PTPRE: variants seen among roughly 807,000 people sequenced by gnomAD.
PTPRE encodes protein tyrosine phosphatase receptor type E.
In PTPRE, 51 loss-of-function variants were observed where a neutral mutation model predicts 102.0. The observed-to-expected ratio is 0.50, with a 90% CI of 0.40 to 0.63. The LOEUF is 0.63. PTPRE is among the 30% of genes least tolerant of loss of function. PTPRE has a pLI of 0.00. For synonymous variants in PTPRE, 345 were observed against 348.2 expected, an observed-to-expected ratio of 0.99 and a Z score of 0.10; for missense variants, 752 against 915.1, an observed-to-expected ratio of 0.82 and a Z score of 2.30.
intron 1 of PTPRE, among the ~76,000 whole-genome samples, chr10:127,943,494 G>A (rs949406056): frequency 3.3e-5 from 5 of 152,124 alleles, no homozygotes; most frequent in African/African-American, 9.7e-5. Flanking sequence ...GGAGGGAGAC[G>A]GCTACCTGAG....
In PTPRE at chr10:128,073,417, G is replaced by A; in HGVS notation, c.1545G>A (p.Trp515Ter). ...HTVEDFWRMI[W>*]EWKSHTIVML... ...TTGAGGACTTCTGGAGGATGATCTG[G>A]GAATGGAAATCCCACACTATCGTGA... The change falls in exon 17 of 21, where the codon TGG becomes TGA. Residue 515 changes from tryptophan (W) to a stop codon, truncating the protein, a stop_gained. Coordinates refer to ENST00000254667, the MANE Select transcript of PTPRE (RefSeq NM_006504.6). LOFTEE classifies it high-confidence loss of function. The A allele has an allele frequency of 6.2e-7, 1 of 1,614,218 alleles. No homozygotes were observed. The highest frequency in any genetic ancestry group is 1.7e-5 in the Admixed American group (1 of 60,036).
chr10:127,969,688 G>GC (rs71474753), intron 1 of PTPRE, among the ~76,000 whole-genome samples: 1 of 75,034 alleles, frequency 1.3e-5, no homozygotes, highest in African/African-American at 3.7e-5. Context: ...AAAAAGGGGG[G>GC]CGGGGGGATG....
intron 2 of PTPRE, among the ~76,000 whole-genome samples, chr10:128,003,387 A>T (rs1854172238): frequency 6.6e-6 from 1 of 152,200 alleles, no homozygotes; most frequent in Admixed American, 6.5e-5. Context: ...GATGTTAAAA[A>T]ATGTTTTCCA....
intron 2 of PTPRE, among the ~76,000 whole-genome samples, chr10:127,983,060 T>G (rs1262303753): frequency 6.6e-6 from 1 of 152,200 alleles, no homozygotes; most frequent in African/African-American, 2.4e-5. Context: ...ATTTCCTAAA[T>G]GTATTGCCTT....
intron 3 of PTPRE, 54 bp from the exon 4 acceptor site, chr10:128,047,336 T>C: frequency 6.3e-7 from 1 of 1,585,808 alleles, no homozygotes; most frequent in South Asian, 1.1e-5. Context: ...GGGAGACTCT[T>C]TTGCAAACTG....
At chr10:127,922,652 C>G (rs1846689460) in intron 1 of PTPRE, among the ~76,000 whole-genome samples, 1 of 152,208 alleles carries the variant, frequency 6.6e-6, no homozygotes, top group South Asian at 2.1e-4. Context: ...TTTTGCTAGG[C>G]CTTCTTCTAA....
At chr10:128,072,380 C>T (rs1243735020) in intron 16 of PTPRE, 166 bp downstream of exon 16, 14 of 619,876 alleles carry the variant, frequency 2.3e-5, no homozygotes, top group South Asian at 4.3e-5. Flanking sequence ...TGGCAAGGCA[C>T]GATGGCTCAC....
rs117665548 is a variant in PTPRE, at chr10:127,997,085, G to A, written c.-8+14789G>A. 7.8e-4 allele frequency among the ~76,000 whole-genome samples: 118 copies of A among 152,244 alleles called. 2 individuals are homozygous for A. In the East Asian group the frequency reaches 0.013, roughly 16 times the overall value. On this transcript the variant is annotated intron_variant, in intron 2 of 20. Coordinates refer to ENST00000254667, the MANE Select transcript of PTPRE (RefSeq NM_006504.6). ...CAGGTTAACTTAATGAATTTGGGCC[G>A]AACTTAGATTTAACATTTCCTTGAA...
At chr10:128,082,786 T>C (rs757542045) in intron 20 of PTPRE, 46 bp from the exon 21 acceptor site, 20 of 1,520,246 alleles carry the variant, frequency 1.3e-5, no homozygotes. Flanking sequence ...TAATCAAATA[T>C]ATTTTTGGGA....
intron 1 of PTPRE, among the ~76,000 whole-genome samples, chr10:127,951,744 T>G (rs180865423): frequency 1.3e-5 from 2 of 152,232 alleles, no homozygotes; most frequent in African/African-American, 2.4e-5. Context: ...AAATAGTAAA[T>G]CAAAAACATG....
rs1432878824 is a variant in PTPRE, at chr10:128,077,877, C to T, written c.1892+94C>T. On this transcript the variant is annotated intron_variant, in intron 19 of 20. Coordinates refer to ENST00000254667, the MANE Select transcript of PTPRE (RefSeq NM_006504.6). ...GTGGGCAGCAGAGCCTGGTCGCTGC[C>T]CCTGGCCATGGTATTCCCTAGAGTC... is the stretch of plus-strand genomic sequence containing the variant. The T allele has an allele frequency of 5.7e-6, 8 of 1,415,882 alleles. No individual in the cohort carries two copies. The East Asian group carries it at 2.0e-4, about 35-fold the overall frequency. 87.7% of individuals were successfully genotyped at this position (1,415,882 alleles called of 1,614,324 possible).
chr10:127,938,586 T>A (rs1847996662), intron 1 of PTPRE, among the ~76,000 whole-genome samples: 1 of 152,190 alleles, frequency 6.6e-6, no homozygotes, highest in Admixed American at 6.5e-5. Flanking sequence ...ATTGACTTTT[T>A]TTAAAAAATA....
intron 1 of PTPRE, among the ~76,000 whole-genome samples, chr10:127,957,767 A>G (rs2135374832): frequency 6.6e-6 from 1 of 152,342 alleles, no homozygotes; most frequent in East Asian, 1.9e-4. Context: ...CTGGGATTGC[A>G]TTGAATCTGT....
At chr10:127,988,210 C>T (rs969298028) in intron 2 of PTPRE, among the ~76,000 whole-genome samples, 3 of 152,216 alleles carry the variant, frequency 2.0e-5, no homozygotes, top group Admixed American at 6.5e-5. Context: ...ACTGCAGCAC[C>T]ATCCCCTGGG....
At chr10:128,019,866 G>A (rs2135679880) in intron 2 of PTPRE, among the ~76,000 whole-genome samples, 1 of 152,352 alleles carries the variant, frequency 6.6e-6, no homozygotes, top group East Asian at 1.9e-4. Context: ...TGGGCAGTGA[G>A]GATGGTTGGG....
chr10:128,036,525 A>G lies in PTPRE; in HGVS notation c.-7-4350A>G, dbSNP rs74159141. On this transcript the variant is annotated intron_variant, in intron 2 of 20. Coordinates refer to ENST00000254667, the MANE Select transcript of PTPRE (RefSeq NM_006504.6). ...AGCCCAGTAACTGGGAGCTTATATTATTGCCTTATGCCTCCAGCTAAAAAT... is the reference window on the plus strand; with the variant it reads ...AGCCCAGTAACTGGGAGCTTATATTGTTGCCTTATGCCTCCAGCTAAAAAT... 0.023 allele frequency among the ~76,000 whole-genome samples: 3,516 copies of G among 152,164 alleles called. 210 individuals are homozygous for G. The East Asian group carries it at 0.23, about 10-fold the overall frequency.
chr10:127,939,722 G>A (rs1020357068), intron 1 of PTPRE, among the ~76,000 whole-genome samples: 8 of 152,200 alleles, frequency 5.3e-5, no homozygotes, highest in Non-Finnish European at 1.0e-4. Context: ...GGGCCAAGAT[G>A]AGCAGAAGGA....
At chr10:128,076,500 G>A (rs1475304635) in intron 17 of PTPRE, 103 bp from the exon 18 acceptor site, 1 of 1,152,310 alleles carries the variant, frequency 8.7e-7, no homozygotes, top group Non-Finnish European at 1.2e-6. Flanking sequence ...TTGGTCAGAT[G>A]AAATACATTA....
chr10:128,040,181 A>G (rs897073237), intron 2 of PTPRE, among the ~76,000 whole-genome samples: 1 of 152,068 alleles, frequency 6.6e-6, no homozygotes, highest in Admixed American at 6.5e-5. Context: ...GAGAGTTTAG[A>G]CATGGCCATG....
Sources: allele counts gnomAD v4.1 joint callset (sites outside exome capture counted in the v4.1 genomes callset), GRCh38; gene constraint gnomAD v4.1.1; transcripts MANE v1.5; gene names NCBI Gene and HGNC (gene_info 2026-07-23, HGNC 2026-07-21).